Variants in KANSL1 observed in about 807,000 individuals in gnomAD.
The protein encoded by KANSL1 is MLL1/MLL complex subunit KANSL1.
KANSL1 carries 22 observed loss-of-function variants against 103.6 expected under a neutral mutation model. The ratio of observed to expected loss-of-function variants is 0.21; its 90% CI spans 0.15 to 0.30. KANSL1 has a LOEUF of 0.30. KANSL1 is among the 10% of genes least tolerant of loss of function. The probability of loss-of-function intolerance (pLI) is 1.00; values close to 1 mark genes in which losing one functional copy is unlikely to be tolerated. For synonymous variants in KANSL1, 600 were observed against 527.6 expected, an observed-to-expected ratio of 1.14 and a Z score of -1.88; for missense variants, 1,337 against 1,399.8, an observed-to-expected ratio of 0.96 and a Z score of 0.72.
chr17:46,039,551 G>T, intron 8 of KANSL1, 151 bp downstream of exon 8: 1 of 827,650 alleles, frequency 1.2e-6, no homozygotes, highest in Non-Finnish European at 1.8e-6. Context: ...GAGCATCCAA[G>T]ACAAGCAGAA....
chr17:46,046,029 T>C (rs1290929355), intron 7 of KANSL1: 6 of 152,184 alleles, frequency 3.9e-5, no homozygotes, highest in African/African-American at 1.4e-4. Flanking sequence ...AGTGGCGCTG[T>C]CTGTAGCCAG....
chr17:46,139,926 A>G (rs1052422776), intron 2 of KANSL1, among the ~76,000 whole-genome samples: 9 of 152,232 alleles, frequency 5.9e-5, no homozygotes, highest in Non-Finnish European at 1.0e-4. Flanking sequence ...CCTGGTTTAC[A>G]GGCCACCACA....
At chr17:46,179,952 T>A (rs1420694438) in intron 1 of KANSL1, among the ~76,000 whole-genome samples, 1 of 151,714 alleles carries the variant, frequency 6.6e-6, no homozygotes, top group African/African-American at 2.4e-5. Context: ...TACTCCCAGC[T>A]ACTTGGAAGA....
intron 1 of KANSL1, among the ~76,000 whole-genome samples, chr17:46,205,483 A>C (rs2047935568): frequency 6.6e-6 from 1 of 151,960 alleles, no homozygotes; most frequent in Admixed American, 6.6e-5. Context: ...GGAGTTCAAG[A>C]CTAGCCTAGC....
chr17:46,031,647 C>A lies in KANSL1; in HGVS notation c.3147G>T (p.Glu1049Asp), dbSNP rs748104970. ...TFPLAHSPQA[E>D]CEDQLDAQER... Reference sequence around the variant, plus strand: ...CCTGTGCATCCAGCTGGTCCTCACACTCCGCCTGGGGACTGTGCGCCAGGG... The same window carrying A: ...CCTGTGCATCCAGCTGGTCCTCACAATCCGCCTGGGGACTGTGCGCCAGGG... Residue 1049 changes from glutamate to aspartate, a missense_variant, in exon 15 of 15, where the codon GAG becomes GAT. Glu to Asp is a conservative substitution (Grantham distance 45). This residue lies in a region of KANSL1 where 780 missense variants were observed against 923.4 expected (regional missense o/e 0.84). Coordinates refer to ENST00000432791, the MANE Select transcript of KANSL1 (RefSeq NM_015443.4). 6.2e-7 allele frequency: 1 copy of A among 1,613,904 alleles called. No individual in the cohort carries two copies. Among genetic ancestry groups the A allele is most frequent in the South Asian group, 1.1e-5 (1 of 91,068 alleles).
upstream of KANSL1, chr17:46,223,899 T>A (rs1429983644): frequency 6.6e-6 from 1 of 150,618 alleles, no homozygotes; most frequent in Non-Finnish European, 1.5e-5. Flanking sequence ...ACTATTTGCC[T>A]CATCGCACTA....
chr17:46,147,467 G>A (rs754083709), intron 2 of KANSL1, among the ~76,000 whole-genome samples: 27 of 151,856 alleles, frequency 1.8e-4, no homozygotes, highest in Non-Finnish European at 3.2e-4. Flanking sequence ...CCAGCTACTC[G>A]GGAGGCTGAG....
intron 2 of KANSL1, among the ~76,000 whole-genome samples, chr17:46,109,952 A>G (rs1294690701): frequency 6.6e-6 from 1 of 152,214 alleles, no homozygotes; most frequent in Non-Finnish European, 1.5e-5. Context: ...GTGCATGTAG[A>G]GGGGTGAGAG....
At chr17:46,141,090 A>G (rs1006229287) in intron 2 of KANSL1, among the ~76,000 whole-genome samples, 2 of 152,240 alleles carry the variant, frequency 1.3e-5, no homozygotes, top group East Asian at 3.8e-4. Flanking sequence ...AAAAAAGACA[A>G]TGTACTCAAC....
At chr17:46,048,084 T>C (rs945549757) in intron 7 of KANSL1, among the ~76,000 whole-genome samples, 12 of 151,848 alleles carry the variant, frequency 7.9e-5, no homozygotes, top group Non-Finnish European at 1.3e-4. Flanking sequence ...ATTCTTGTGT[T>C]TTTAGTAGAG....
chr17:46,171,692 T>A lies in KANSL1; in HGVS notation c.452A>T (p.Gln151Leu). Residue 151 changes from glutamine to leucine, a missense_variant, in exon 2 of 15, where the codon CAA becomes CTA. By Grantham distance (113) the Gln-to-Leu change is moderately radical. Transcript: ENST00000432791. ...MNTSGQTALP[Q>L]APVNGLAKKL... is the part of the protein sequence containing the mutation. ...CTTAGCCAACCCATTTACAGGTGCT[T>A]GTGGCAGAGCTGTCTGACCACTCGT... 6.4e-7 allele frequency: 1 copy of A among 1,554,574 alleles called. No homozygotes were observed. Among genetic ancestry groups the A allele is most frequent in the Non-Finnish European group, 8.7e-7 (1 of 1,154,950 alleles).
rs146371685 is a variant in KANSL1 at position 46,150,565 on chromosome 17, T to C, written c.1289+20290A>G. ...ATTATTGTTTCAAAGAAAATATTCC[T>C]ACAACTAAATTCCTTTACATAACAT... is the stretch of plus-strand genomic sequence containing the variant. On this transcript the variant is annotated intron_variant, in intron 2 of 14. Coordinates refer to ENST00000432791, the MANE Select transcript of KANSL1 (RefSeq NM_015443.4). Among the ~76,000 whole-genome samples the C allele has an allele frequency of 1.7e-4, 26 of 152,374 alleles. No homozygotes were observed. The East Asian group carries it at 5.0e-3, about 29-fold the overall frequency.
intron 1 of KANSL1, among the ~76,000 whole-genome samples, chr17:46,180,288 G>A (rs2046723489): frequency 6.6e-6 from 1 of 151,918 alleles, no homozygotes; most frequent in African/African-American, 2.4e-5. Flanking sequence ...CTGAGGTCAG[G>A]AGTTTGAAAC....
chr17:46,160,224 TCTTC>T (rs1177612129), intron 2 of KANSL1, among the ~76,000 whole-genome samples: 2 of 152,216 alleles, frequency 1.3e-5, no homozygotes, highest in African/African-American at 4.8e-5. Flanking sequence ...TCCTTTCTTT[TCTTC>T]CTTTTTTAAA....
chr17:46,181,775 T>G (rs1185970483), intron 1 of KANSL1, among the ~76,000 whole-genome samples: 4 of 152,166 alleles, frequency 2.6e-5, no homozygotes, highest in Non-Finnish European at 5.9e-5. Context: ...AGATGAAACT[T>G]AACGTCAGGG....
intron 2 of KANSL1, among the ~76,000 whole-genome samples, chr17:46,151,575 A>G (rs1204928179): frequency 6.6e-6 from 1 of 152,248 alleles, no homozygotes; most frequent in Non-Finnish European, 1.5e-5. Context: ...CTTCCCTAGT[A>G]GGATAAAACT....
At chr17:46,059,704 AAG>A (rs974581200) in intron 6 of KANSL1, among the ~76,000 whole-genome samples, 19 of 150,320 alleles carry the variant, frequency 1.3e-4, no homozygotes, top group Admixed American at 6.0e-4. Context: ...AGCTGGAACT[AAG>A]AGAGAGAAAC....
chr17:46,097,463 T>G (rs763174386), intron 2 of KANSL1, among the ~76,000 whole-genome samples: 9 of 152,356 alleles, frequency 5.9e-5, no homozygotes, highest in Non-Finnish European at 1.2e-4. Context: ...TTAAAATGCC[T>G]AAAACTGACA....
At chr17:46,220,182 G>C (rs1276840213) in intron 1 of KANSL1, among the ~76,000 whole-genome samples, 2 of 152,174 alleles carry the variant, frequency 1.3e-5, no homozygotes, top group African/African-American at 4.8e-5. Context: ...GACACAGAAA[G>C]AGAAGAAAAG....
Sources: gnomAD v4.1 joint callset for allele counts (sites outside exome capture counted in the v4.1 genomes callset) on GRCh38, gnomAD v4.1.1 for gene constraint, gnomAD v4.1.1 regional missense constraint, MANE v1.5 for transcripts, NCBI Gene and HGNC (gene_info 2026-07-23, HGNC 2026-07-21) for gene names.